Variants in PPP1R1C observed in about 807,000 individuals in gnomAD.
PPP1R1C encodes the protein protein phosphatase 1 regulatory subunit 1C.
In PPP1R1C, 15 loss-of-function variants were observed where a neutral mutation model predicts 17.4. That is an observed-to-expected ratio of 0.86 (90% CI 0.58 to 1.33). The LOEUF (loss-of-function observed/expected upper bound fraction) is 1.33. PPP1R1C is among the 40% of genes most tolerant of loss of function. PPP1R1C has a pLI of 0.00. For synonymous variants in PPP1R1C, 35 were observed against 43.1 expected (o/e 0.81, Z 0.73); for missense variants, 143 against 130.0 (o/e 1.10, Z -0.48).
chr2:181,966,826 G>A (rs959931643), intron 1 of PPP1R1C, among the ~76,000 whole-genome samples: 2 of 152,164 alleles, frequency 1.3e-5, no homozygotes, highest in African/African-American at 4.8e-5. Context: ...CTCATAGAAT[G>A]AGTTTGGAAG....
chr2:181,998,856 T>G (rs1327599125), intron 2 of PPP1R1C, among the ~76,000 whole-genome samples: 15 of 152,206 alleles, frequency 9.9e-5, no homozygotes, highest in Admixed American at 7.8e-4. Flanking sequence ...CTGCTTCTAA[T>G]GGTTAAAAGG....
chr2:181,998,254 T>C (rs1685669089), intron 2 of PPP1R1C, among the ~76,000 whole-genome samples: 1 of 152,208 alleles, frequency 6.6e-6, no homozygotes, highest in Admixed American at 6.5e-5. Flanking sequence ...TCATGCATGC[T>C]GGCAACACTA....
intron 1 of PPP1R1C, among the ~76,000 whole-genome samples, chr2:181,970,211 G>A (rs1116015): frequency 0.17 from 26,134 of 151,584 alleles, 3,999 homozygotes; most frequent in African/African-American, 0.4. Flanking sequence ...GTGTCTGGGC[G>A]TTGAAGGATT....
At chr2:181,990,178 G>A (rs1287456436) in intron 2 of PPP1R1C, among the ~76,000 whole-genome samples, 6 of 150,786 alleles carry the variant, frequency 4.0e-5, no homozygotes, top group African/African-American at 1.5e-4. Context: ...ACCCTCTGTC[G>A]CCCAGGCTTG....
intron 2 of PPP1R1C, among the ~76,000 whole-genome samples, chr2:182,004,046 G>T (rs1474380267): frequency 2.0e-5 from 3 of 152,134 alleles, no homozygotes; most frequent in Non-Finnish European, 4.4e-5. Flanking sequence ...AGCTCTAATT[G>T]TTAGAAAGGC....
chr2:181,955,001 T>C (rs1684647388), intron 1 of PPP1R1C, among the ~76,000 whole-genome samples: 1 of 152,306 alleles, frequency 6.6e-6, no homozygotes, highest in African/African-American at 2.4e-5. Flanking sequence ...CAAAAATCAG[T>C]CTCATCCTAG....
chr2:181,990,202 G>T (rs1489320469), intron 2 of PPP1R1C, among the ~76,000 whole-genome samples: 2 of 151,528 alleles, frequency 1.3e-5, no homozygotes, highest in African/African-American at 2.4e-5. Flanking sequence ...GCAGTGGCGC[G>T]ATCTCAGCTC....
At chr2:181,954,842 A>C (rs1684644442) in intron 1 of PPP1R1C, among the ~76,000 whole-genome samples, 1 of 152,152 alleles carries the variant, frequency 6.6e-6, no homozygotes, top group African/African-American at 2.4e-5. Context: ...TATGTGTTTA[A>C]AGAGAGATTT....
At chr2:182,032,498 T>C (rs1322170874) in intron 2 of PPP1R1C, among the ~76,000 whole-genome samples, 1 of 152,202 alleles carries the variant, frequency 6.6e-6, no homozygotes, top group African/African-American at 2.4e-5. Context: ...CAGGTTTTTG[T>C]TCACTGGTAT....
chr2:182,068,509 C>T (rs1209103692), intron 4 of PPP1R1C, among the ~76,000 whole-genome samples: 1 of 152,142 alleles, frequency 6.6e-6, no homozygotes, highest in Non-Finnish European at 1.5e-5. Flanking sequence ...ATGTGGATTA[C>T]CACGCTTGCA....
chr2:182,025,463 G>T (rs761100816), intron 2 of PPP1R1C, among the ~76,000 whole-genome samples: 1,626 of 134,472 alleles, frequency 0.012, 11 homozygotes, highest in South Asian at 0.038. Flanking sequence ...GCGGTGTTTG[G>T]TTTTTTGTTC....
At position 182,026,818 on chromosome 2, in the gene PPP1R1C, G is replaced by A. The variant is rs1469243141; in HGVS notation, c.143-34624G>A. ...CCTTGGGCAGTATGGCCATTTTCAC[G>A]ATATTGATTCTTCCTACCCATGAGC... is the stretch of plus-strand genomic sequence containing the variant. On this transcript the variant is annotated intron_variant, in intron 2 of 4. Transcript: ENST00000682840. Among the ~76,000 whole-genome samples, 274 of 150,552 alleles carry A rather than the reference G, an allele frequency of 1.8e-3. 2 individuals are homozygous for A. Among genetic ancestry groups the A allele is most frequent in the African/African-American group, 5.6e-3 (228 of 40,876 alleles).
chr2:182,040,982 G>A (rs189607261), intron 2 of PPP1R1C, among the ~76,000 whole-genome samples: 2 of 151,950 alleles, frequency 1.3e-5, no homozygotes, highest in Non-Finnish European at 2.9e-5. Flanking sequence ...TTTATTTCTG[G>A]GTTCTCTATT....
At chr2:181,997,214 G>A (rs1304896098) in intron 2 of PPP1R1C, among the ~76,000 whole-genome samples, 1 of 138,252 alleles carries the variant, frequency 7.2e-6, no homozygotes, top group Non-Finnish European at 1.5e-5. Flanking sequence ...GGGCGACAGA[G>A]CAAGACTCCG....
In PPP1R1C at chr2:182,072,154, A is replaced by G. The variant is rs189596403; in HGVS notation, c.241+8363A>G. Among the ~76,000 whole-genome samples, 282 of 152,344 alleles carry G rather than the reference A, an allele frequency of 1.9e-3. 2 individuals carry two copies. The highest frequency in any genetic ancestry group is 6.5e-3 in the African/African-American group (271 of 41,586). ...GCTAAGGTGTACACACTCCACTCAT[A>G]CTAATGCTAATAGGAATCTCAGGAA... On this transcript the variant is annotated intron_variant, in intron 4 of 4. Transcript: ENST00000682840.
At chr2:182,125,362 T>C (rs971144412) in intron 5 of PPP1R1C, among the ~76,000 whole-genome samples, 55 of 152,256 alleles carry the variant, frequency 3.6e-4, no homozygotes, top group African/African-American at 1.3e-3. Context: ...GAAATTTTCT[T>C]TTTTTGTTGT....
intron 4 of PPP1R1C, among the ~76,000 whole-genome samples, chr2:182,083,509 A>G (rs938851206): frequency 2.0e-5 from 3 of 152,198 alleles, no homozygotes; most frequent in Non-Finnish European, 4.4e-5. Flanking sequence ...TCAGGAACAT[A>G]TGGTATTTGG....
At chr2:182,018,717 G>C (rs1204711635) in intron 2 of PPP1R1C, among the ~76,000 whole-genome samples, 3 of 152,160 alleles carry the variant, frequency 2.0e-5, no homozygotes, top group Non-Finnish European at 4.4e-5. Flanking sequence ...AACATGGAGT[G>C]GCATGAAAGT....
chr2:181,981,424 A>T (rs1209793190), upstream of PPP1R1C, among the ~76,000 whole-genome samples: 1 of 152,218 alleles, frequency 6.6e-6, no homozygotes, highest in Non-Finnish European at 1.5e-5. Flanking sequence ...CTGAAAAAAT[A>T]TCATATTTAA....
Sources: allele counts gnomAD v4.1 joint callset (sites outside exome capture counted in the v4.1 genomes callset), GRCh38; gene constraint gnomAD v4.1.1; transcripts MANE v1.5; gene names NCBI Gene and HGNC (gene_info 2026-07-23, HGNC 2026-07-21).